MACF1: variants seen among roughly 807,000 people sequenced by gnomAD.
MACF1 encodes the protein microtubule actin crosslinking factor 1, also known as microtubule-actin cross-linking factor 1.
MACF1 carries 193 observed loss-of-function variants against 854.8 expected under a neutral mutation model. The observed-to-expected ratio is 0.23, with a 90% CI of 0.20 to 0.25. The LOEUF is 0.25. Among genes scored for constraint, MACF1 ranks in the 10% least tolerant of loss-of-function variants. The pLI, the probability that MACF1 is intolerant of heterozygous loss-of-function variation, is 1.00. For synonymous variants in MACF1, 3,185 were observed against 3,226.7 expected (o/e 0.99, Z 0.44); for missense variants, 7,722 against 8,929.1 (o/e 0.86, Z 5.45).
intron 95 of MACF1, among the ~76,000 whole-genome samples, chr1:39,466,186 T>C (rs538495261): frequency 2.6e-5 from 4 of 152,340 alleles, no homozygotes; most frequent in East Asian, 1.9e-4. Context: ...TAAGAGGTTT[T>C]CCTTTTAAAA....
chr1:39,346,539 AG>A (rs1647051650), intron 40 of MACF1, among the ~76,000 whole-genome samples: 1 of 124,200 alleles, frequency 8.1e-6, no homozygotes, highest in Non-Finnish European at 1.7e-5. Flanking sequence ...TTTTTTTTTG[AG>A]ATGGAGTCTC....
At chr1:39,439,540 C>T (rs1159183026) in intron 72 of MACF1, 40 bp downstream of exon 72, 2 of 1,521,734 alleles carry the variant, frequency 1.3e-6, no homozygotes, top group Non-Finnish European at 9.1e-7. Context: ...GGTGTCTGTC[C>T]TCTAGAAAAA....
intron 43 of MACF1, among the ~76,000 whole-genome samples, chr1:39,351,485 T>G (rs1214468342): frequency 6.6e-6 from 1 of 151,860 alleles, no homozygotes; most frequent in Non-Finnish European, 1.5e-5. Context: ...CCCAAACATC[T>G]TGCTATCTGT....
At chr1:39,328,019 T>C (rs75120007) in intron 36 of MACF1, among the ~76,000 whole-genome samples, 8,553 of 152,280 alleles carry the variant, frequency 0.056, 311 homozygotes, top group African/African-American at 0.099. Flanking sequence ...TTTGCCTGCT[T>C]ATTTCCTATG....
intron 15 of MACF1, among the ~76,000 whole-genome samples, chr1:39,289,693 C>CTTTTCTTT (rs1645730740): frequency 3.5e-5 from 1 of 28,940 alleles, no homozygotes; most frequent in Non-Finnish European, 6.0e-5. Flanking sequence ...GTGGGTTGTC[C>CTTTTCTTT]TTTTTTTTTT....
At chr1:39,201,781 C>T (rs572268200), upstream of MACF1, among the ~76,000 whole-genome samples, 2 of 152,156 alleles carry the variant, frequency 1.3e-5, no homozygotes, top group Non-Finnish European at 2.9e-5. Context: ...GGTGATCTGA[C>T]CTCGTCTCTG....
chr1:39,400,616 C>T (rs1289772546), intron 58 of MACF1, among the ~76,000 whole-genome samples: 1 of 152,028 alleles, frequency 6.6e-6, no homozygotes, highest in Non-Finnish European at 1.5e-5. Flanking sequence ...AAGCGATCCT[C>T]CTGCCTCAGC....
Position 39,331,499 on chromosome 1 carries a change from A to C in MACF1, c.4911A>C (p.Ala1637=). The change falls in exon 37 of 101, where the codon GCA becomes GCC. Residue 1637 remains alanine (A), a synonymous_variant. Transcript: ENST00000564288. ...GAGGCCCTCTTTCTGTGGTGGAAGC[A>C]ATTGAAAAGAGAATAATCAGTGAGA... ...ESRGPLSVVE[A]IEKRIISETV... The C allele has an allele frequency of 6.2e-7, 1 of 1,614,166 alleles. No individual in the cohort carries two copies. Among genetic ancestry groups the C allele is most frequent in the Non-Finnish European group, 8.5e-7 (1 of 1,180,028 alleles).
At chr1:39,207,585 A>G (rs185166029) in intron 1 of MACF1, among the ~76,000 whole-genome samples, 1 of 152,130 alleles carries the variant, frequency 6.6e-6, no homozygotes, top group Admixed American at 6.6e-5. Context: ...TGGCTGAAGA[A>G]TGTTCATAGT....
intron 97 of MACF1, among the ~76,000 whole-genome samples, chr1:39,477,783 G>T (rs1406468140): frequency 1.3e-5 from 2 of 152,092 alleles, no homozygotes; most frequent in Non-Finnish European, 1.5e-5. Context: ...GAGTACTTAA[G>T]TGTCTCTGTA....
chr1:39,354,884 G>C (rs1647397341), intron 44 of MACF1, among the ~76,000 whole-genome samples: 1 of 152,254 alleles, frequency 6.6e-6, no homozygotes, highest in Admixed American at 6.5e-5. Context: ...TATTCATTTA[G>C]TAATTACTGA....
At chr1:39,205,276 G>T in intron 1 of MACF1, 145 bp downstream of exon 1, 1 of 625,046 alleles carries the variant, frequency 1.6e-6, no homozygotes. Context: ...GAGTGTGTGT[G>T]TGTGAGTATA....
Position 39,403,619 on chromosome 1 carries a change from A to G in MACF1, c.15816+14961A>G, listed in dbSNP as rs72928319. The stretch of plus-strand genomic sequence containing the variant: ...GCATTATCTTTGTTTTTTTCCCTCT[A>G]ACCTCTACCTTCTCTCTGGTCAGTT... On this transcript the variant is annotated intron_variant, in intron 58 of 100. Transcript: ENST00000564288. Among the ~76,000 whole-genome samples, 1,052 of 152,142 alleles carry G rather than the reference A, an allele frequency of 6.9e-3. 14 individuals are homozygous for G. The highest frequency in any genetic ancestry group is 0.024 in the African/African-American group (1,001 of 41,490).
chr1:39,425,228 T>C (rs1443728434), intron 61 of MACF1, among the ~76,000 whole-genome samples: 1 of 152,170 alleles, frequency 6.6e-6, no homozygotes, highest in African/African-American at 2.4e-5. Flanking sequence ...TTACAGTGTC[T>C]TTCCTGTCCA....
At chr1:39,134,956 T>C (rs1162556688) in intron 2 of MACF1, among the ~76,000 whole-genome samples, 3 of 152,136 alleles carry the variant, frequency 2.0e-5, no homozygotes, top group Admixed American at 2.0e-4. Flanking sequence ...TCCCCCTCCT[T>C]AGCCCCTGGC....
At chr1:39,149,831 G>C (rs1023501025) in intron 2 of MACF1, among the ~76,000 whole-genome samples, 1 of 152,066 alleles carries the variant, frequency 6.6e-6, no homozygotes, top group African/African-American at 2.4e-5. Context: ...TTATCCCATT[G>C]TTCACCACCT....
intron 2 of MACF1, 46 bp from the exon 3 acceptor site, chr1:39,249,968 A>G (rs375945069): frequency 2.8e-6 from 3 of 1,084,436 alleles, no homozygotes; most frequent in Non-Finnish European, 4.2e-6. Flanking sequence ...ATAGTATAAT[A>G]ATTCAATATC....
At chr1:39,253,704 C>T (rs964427033) in intron 4 of MACF1, among the ~76,000 whole-genome samples, 6 of 151,876 alleles carry the variant, frequency 4.0e-5, no homozygotes, top group South Asian at 2.1e-4. Context: ...AATGAAGGGA[C>T]GGGATTTCAC....
chr1:39,117,625 C>T (rs546541855), intron 2 of MACF1, among the ~76,000 whole-genome samples: 20 of 151,910 alleles, frequency 1.3e-4, no homozygotes, highest in African/African-American at 4.6e-4. Context: ...GACTTCAGGG[C>T]ATGCCCCTTT....
Sources: allele counts gnomAD v4.1 joint callset (sites outside exome capture counted in the v4.1 genomes callset), GRCh38; gene constraint gnomAD v4.1.1; transcripts MANE v1.5; gene names NCBI Gene and HGNC (gene_info 2026-07-23, HGNC 2026-07-21).